FMN1: variants seen among roughly 807,000 people sequenced by gnomAD.
FMN1 encodes formin 1.
FMN1 carries 110 observed loss-of-function variants against 132.4 expected under a neutral mutation model. That is an observed-to-expected ratio of 0.83 (90% CI 0.71 to 0.97). FMN1 has a LOEUF of 0.97. Among genes scored for constraint, FMN1 ranks in the 50% least tolerant of loss-of-function variants. The pLI is 0.00. For missense variants in FMN1, 1,792 were observed against 1,705.3 expected (o/e 1.05, Z -0.90); for synonymous variants, 722 against 651.7 (o/e 1.11, Z -1.64).
intron 2 of FMN1, among the ~76,000 whole-genome samples, chr15:33,187,838 T>C (rs1484279358): frequency 6.6e-6 from 1 of 152,154 alleles, no homozygotes; most frequent in African/African-American, 2.4e-5. Context: ...GAACATGGTT[T>C]CTAAAAAATA....
At chr15:33,161,356 G>T (rs71462852) in intron 3 of FMN1, among the ~76,000 whole-genome samples, 3 of 152,020 alleles carry the variant, frequency 2.0e-5, no homozygotes, top group Admixed American at 2.0e-4. Flanking sequence ...AAGAGGGCTC[G>T]GGACCTTTAT....
intron 4 of FMN1, among the ~76,000 whole-genome samples, chr15:33,126,243 A>C (rs555394435): frequency 6.6e-6 from 1 of 152,312 alleles, no homozygotes; most frequent in South Asian, 2.1e-4. Flanking sequence ...ACTTCAGAGA[A>C]GGAAGATGGG....
chr15:33,187,939 GT>G (rs1462448849), intron 2 of FMN1, among the ~76,000 whole-genome samples: 3 of 152,204 alleles, frequency 2.0e-5, no homozygotes, highest in African/African-American at 7.2e-5. Context: ...TGAAAATTGA[GT>G]AGTTCTGCTT....
At chr15:32,847,413 C>T (rs2058883622) in intron 17 of FMN1, among the ~76,000 whole-genome samples, 1 of 152,180 alleles carries the variant, frequency 6.6e-6, no homozygotes, top group Non-Finnish European at 1.5e-5. Context: ...CTTCCACTAG[C>T]ATGTAGTTCT....
At chr15:33,065,161 G>A in intron 5 of FMN1, 87 bp from the exon 6 acceptor site, 1 of 837,672 alleles carries the variant, frequency 1.2e-6, no homozygotes, top group Non-Finnish European at 1.8e-6. Context: ...TAATTCTGAA[G>A]TTAATTTTAA....
At chr15:32,775,588 A>G (rs2056390449) in intron 20 of FMN1, among the ~76,000 whole-genome samples, 1 of 152,204 alleles carries the variant, frequency 6.6e-6, no homozygotes, top group African/African-American at 2.4e-5. Flanking sequence ...TGTCATAAAT[A>G]TACCATCAAA....
chr15:33,034,242 A>G (rs1406896718), intron 6 of FMN1, among the ~76,000 whole-genome samples: 1 of 152,016 alleles, frequency 6.6e-6, no homozygotes, highest in African/African-American at 2.4e-5. Context: ...CCCCCTAAAC[A>G]TGCTCCACCC....
At chr15:32,886,180 G>A (rs2059891886) in intron 16 of FMN1, among the ~76,000 whole-genome samples, 1 of 152,124 alleles carries the variant, frequency 6.6e-6, no homozygotes, top group Admixed American at 6.6e-5. Context: ...TATTTACTGG[G>A]TACCTTTCAT....
At position 33,154,291 on chromosome 15, in the gene FMN1, C is replaced by A. The variant is rs1465352282; in HGVS notation, c.624G>T (p.Arg208Ser). ...SSHSLPLSRT[R>S]PNLWVLEEKG... ...TCTCCTCTAGTACCCAAAGGTTAGG[C>A]CTTGTTCTAGAAAGAGGAAGGGAGT... Residue 208 changes from arginine (R) to serine (S), a missense_variant, in exon 4 of 21, where the codon AGG becomes AGT. This residue lies in a region of FMN1 where 638 missense variants were observed against 645.2 expected (regional missense o/e 0.99). Coordinates refer to ENST00000616417, the MANE Select transcript of FMN1 (RefSeq NM_001277313.2). 3 of 1,536,062 alleles carry A rather than the reference C, an allele frequency of 2.0e-6. No individual in the cohort carries two copies. The highest frequency in any genetic ancestry group is 2.0e-5 in the Admixed American group (1 of 50,982).
chr15:33,018,401 A>T (rs2035199245), intron 6 of FMN1, among the ~76,000 whole-genome samples: 1 of 152,078 alleles, frequency 6.6e-6, no homozygotes, highest in African/African-American at 2.4e-5. Flanking sequence ...CTCCCAACCT[A>T]TGGGGAGGGC....
At chr15:33,113,759 C>T (rs1170172734) in intron 4 of FMN1, among the ~76,000 whole-genome samples, 1 of 152,192 alleles carries the variant, frequency 6.6e-6, no homozygotes, top group Non-Finnish European at 1.5e-5. Context: ...AGCCAGCTTC[C>T]ATGGCCACGT....
chr15:32,799,207 T>G (rs1435130633), intron 18 of FMN1, among the ~76,000 whole-genome samples: 1 of 152,144 alleles, frequency 6.6e-6, no homozygotes, highest in African/African-American at 2.4e-5. Flanking sequence ...CATGTATAAT[T>G]TCTGGGGGTG....
chr15:33,042,671 A>G (rs2036494592), intron 6 of FMN1, among the ~76,000 whole-genome samples: 1 of 152,234 alleles, frequency 6.6e-6, no homozygotes, highest in Admixed American at 6.5e-5. Context: ...TGTTGGGGCA[A>G]CTGGTGAACA....
intron 17 of FMN1, among the ~76,000 whole-genome samples, chr15:32,820,768 C>A (rs2058190162): frequency 6.6e-6 from 1 of 152,146 alleles, no homozygotes; most frequent in African/African-American, 2.4e-5. Context: ...TAAAATTCTG[C>A]AAATTACATA....
At chr15:32,815,580 A>G (rs2058036063) in intron 17 of FMN1, among the ~76,000 whole-genome samples, 1 of 152,246 alleles carries the variant, frequency 6.6e-6, no homozygotes, top group African/African-American at 2.4e-5. Flanking sequence ...CTCATGCTAT[A>G]GTTTAAAAAC....
At chr15:32,912,402 G>A (rs1480645621) in intron 10 of FMN1, among the ~76,000 whole-genome samples, 2 of 152,136 alleles carry the variant, frequency 1.3e-5, no homozygotes, top group African/African-American at 2.4e-5. Flanking sequence ...CCTTGAATAA[G>A]TATTTGTTGG....
chr15:32,984,909 T>G (rs543712785), intron 7 of FMN1, among the ~76,000 whole-genome samples: 53 of 149,606 alleles, frequency 3.5e-4, no homozygotes, highest in African/African-American at 1.3e-3. Context: ...TATTGATACG[T>G]AGGTCTTCTT....
rs559587107 is a variant in FMN1, at chr15:32,889,498, C to G, written c.3715-1206G>C. Reference sequence around the variant, plus strand: ...TTTATGATCTGGCCTCTGTCTACATCTCTGGCCTCATTTTTACCTTCCCCC... The same window carrying G: ...TTTATGATCTGGCCTCTGTCTACATGTCTGGCCTCATTTTTACCTTCCCCC... On this transcript the variant is annotated intron_variant, in intron 15 of 20. Coordinates refer to ENST00000616417, the MANE Select transcript of FMN1 (RefSeq NM_001277313.2). 8.5e-4 allele frequency among the ~76,000 whole-genome samples: 129 copies of G among 152,280 alleles called. 1 individual carries two copies. The highest frequency in any genetic ancestry group is 3.0e-3 in the African/African-American group (123 of 41,550).
chr15:33,018,671 C>A (rs147325693), intron 6 of FMN1, among the ~76,000 whole-genome samples: 1 of 152,194 alleles, frequency 6.6e-6, no homozygotes, highest in Non-Finnish European at 1.5e-5. Context: ...CTTGGTCTCA[C>A]TGACTTCAAG....
Sources: gnomAD v4.1 joint callset for allele counts (sites outside exome capture counted in the v4.1 genomes callset) on GRCh38, gnomAD v4.1.1 for gene constraint, gnomAD v4.1.1 regional missense constraint, MANE v1.5 for transcripts, NCBI Gene and HGNC (gene_info 2026-07-23, HGNC 2026-07-21) for gene names.